Variants in CPE observed in about 807,000 individuals in gnomAD.
CPE encodes the protein carboxypeptidase E, also known as carbocypeptidase E.
In CPE, 17 loss-of-function variants were observed where a neutral mutation model predicts 53.5. The ratio of observed to expected loss-of-function variants is 0.32; its 90% CI spans 0.22 to 0.48. The LOEUF (loss-of-function observed/expected upper bound fraction) is 0.48, where lower values mean the gene tolerates loss of function less well. Among genes scored for constraint, CPE ranks in the 20% least tolerant of loss-of-function variants. The probability of loss-of-function intolerance (pLI) is 0.99; values close to 1 mark genes in which losing one functional copy is unlikely to be tolerated. For synonymous variants in CPE, 226 were observed against 228.8 expected, an observed-to-expected ratio of 0.99 and a Z score of 0.11; for missense variants, 524 against 614.7, an observed-to-expected ratio of 0.85 and a Z score of 1.56.
At chr4:165,477,887 C>G (rs991677281) in intron 3 of CPE, among the ~76,000 whole-genome samples, 1 of 152,146 alleles carries the variant, frequency 6.6e-6, no homozygotes, top group Admixed American at 6.5e-5. Flanking sequence ...TCCATGCTCT[C>G]CTTGTTCTTC....
In CPE at chr4:165,498,061, G is replaced by A. The variant is rs1732735106; in HGVS notation, c.*451G>A. ...TCTACTGCAAGACTTAAATAGTTCA[G>A]TATAAATTGTCGTTTTTTTCTTGTG... is the stretch of plus-strand genomic sequence containing the variant. On this transcript the variant is annotated 3_prime_UTR_variant, in exon 9 of 9. Transcript: ENST00000402744. 1 of 152,240 alleles carries A rather than the reference G, an allele frequency of 6.6e-6. No homozygotes were observed. The highest frequency in any genetic ancestry group is 1.5e-5 in the Non-Finnish European group (1 of 68,056). The allele number at this position is 152,240 out of a possible 1,614,324, so 9.4% of individuals were successfully genotyped here. A position where few individuals can be genotyped will look rare whatever the true frequency, so the allele number is the denominator to read the frequency against.
chr4:165,456,473 A>G (rs1283361060), intron 1 of CPE, among the ~76,000 whole-genome samples: 1 of 152,200 alleles, frequency 6.6e-6, no homozygotes, highest in African/African-American at 2.4e-5. Context: ...TGAAACAAAA[A>G]GAAAAGTAAT....
intron 1 of CPE, among the ~76,000 whole-genome samples, chr4:165,407,890 C>T (rs1444495332): frequency 1.3e-5 from 2 of 151,004 alleles, no homozygotes; most frequent in African/African-American, 2.4e-5. Flanking sequence ...GACGGAGTTC[C>T]GCTGTGTCTC....
chr4:165,476,496 C>T (rs1732303789), intron 3 of CPE, among the ~76,000 whole-genome samples: 1 of 151,954 alleles, frequency 6.6e-6, no homozygotes, highest in South Asian at 2.1e-4. Flanking sequence ...GCCATTTTGC[C>T]TCTCGGTGCG....
At chr4:165,487,668 G>T (rs181324546) in intron 6 of CPE, 91 bp downstream of exon 6, 29 of 1,402,024 alleles carry the variant, frequency 2.1e-5, no homozygotes, top group Middle Eastern at 1.9e-4. Context: ...AGGAGAATCC[G>T]TCTGGTGCAG....
intron 1 of CPE, among the ~76,000 whole-genome samples, chr4:165,451,821 A>T (rs1419077125): frequency 6.6e-6 from 1 of 152,098 alleles, no homozygotes; most frequent in Non-Finnish European, 1.5e-5. Flanking sequence ...AATTTACAGA[A>T]AAGAAAACCG....
rs376658801 is a variant in CPE at position 165,495,466 on chromosome 4, C to T, written c.1214-93C>T. 4.0e-4 allele frequency: 310 copies of T among 772,250 alleles called. No individual in the cohort carries two copies. The African/African-American group carries it at 4.5e-3, about 11-fold the overall frequency. 47.8% of individuals were successfully genotyped at this position (772,250 alleles called of 1,614,324 possible). A position where few individuals can be genotyped will look rare whatever the true frequency, so the allele number is the denominator to read the frequency against. Reference sequence around the variant, plus strand: ...CGAGAATCAAAAAAGGTGAACTGAGCTAGACTGGGTATTCCTTAGATGGCA... The same window carrying T: ...CGAGAATCAAAAAAGGTGAACTGAGTTAGACTGGGTATTCCTTAGATGGCA... On this transcript the variant is annotated intron_variant, in intron 7 of 8. Transcript: ENST00000402744.
intron 3 of CPE, among the ~76,000 whole-genome samples, chr4:165,474,807 T>A (rs7441954): frequency 0.34 from 52,353 of 152,144 alleles, 9,948 homozygotes; most frequent in Middle Eastern, 0.44. Context: ...CTTGTCTCCA[T>A]GACATTATGG....
chr4:165,405,701 C>T (rs1579246509), intron 1 of CPE: 1 of 813,890 alleles, frequency 1.2e-6, no homozygotes. Context: ...CGCAGAGATT[C>T]CACCAATTGG....
intron 1 of CPE, among the ~76,000 whole-genome samples, chr4:165,403,655 T>C (rs1434497111): frequency 2.0e-5 from 3 of 151,806 alleles, no homozygotes; most frequent in African/African-American, 7.3e-5. Flanking sequence ...GTAATTCATG[T>C]TTTTAATTTC....
intron 1 of CPE, among the ~76,000 whole-genome samples, chr4:165,441,897 CATATTTTGTATGAAAGGT>C (rs1227209989): frequency 6.6e-6 from 1 of 152,068 alleles, no homozygotes; most frequent in Non-Finnish European, 1.5e-5. Context: ...GGAATGCATT[CATATTTTGTATGAAAGGT>C]AGCGTTCTTT....
intron 1 of CPE, among the ~76,000 whole-genome samples, chr4:165,382,982 G>T (rs1007345168): frequency 6.6e-6 from 1 of 152,188 alleles, no homozygotes; most frequent in Non-Finnish European, 1.5e-5. Flanking sequence ...TCATCATTTT[G>T]TATCACTTCT....
chr4:165,493,005 T>C (rs1450378127), intron 6 of CPE, among the ~76,000 whole-genome samples, 166 bp from the exon 7 acceptor site: 1 of 152,158 alleles, frequency 6.6e-6, no homozygotes, highest in Non-Finnish European at 1.5e-5. Context: ...CAGAATAAAA[T>C]GCACAAAAAA....
At position 165,404,575 on chromosome 4, in the gene CPE, A is replaced by G. The variant is rs1388542048; in HGVS notation, c.307+25047A>G. ...GATCTTTGGCCACATGTTTCGCTAC[A>G]TCCACGCCAACTTCATCCACCAGTG... is the stretch of plus-strand genomic sequence containing the variant. On this transcript the variant is annotated intron_variant, in intron 1 of 8. Transcript: ENST00000402744. 5.0e-6 allele frequency: 5 copies of G among 1,006,180 alleles called. No homozygotes were observed. In the East Asian group the frequency reaches 7.1e-5, roughly 14 times the overall value. The allele number at this position is 1,006,180 out of a possible 1,614,324, so 62.3% of individuals were successfully genotyped here.
intron 1 of CPE, among the ~76,000 whole-genome samples, chr4:165,390,057 T>TTGACA: frequency 6.6e-6 from 1 of 152,194 alleles, no homozygotes. Flanking sequence ...TGCCAAACCA[T>TTGACA]TGACATGCAT....
intron 3 of CPE, among the ~76,000 whole-genome samples, chr4:165,479,710 C>A (rs1293405443): frequency 6.6e-6 from 1 of 152,028 alleles, no homozygotes; most frequent in Non-Finnish European, 1.5e-5. Context: ...ACAACTCTTG[C>A]AAGTCAAAAA....
At chr4:165,461,182 A>AAGAAAGAAAG (rs1560889028) in intron 1 of CPE, among the ~76,000 whole-genome samples, 2,910 of 68,902 alleles carry the variant, frequency 0.042, 133 homozygotes, top group African/African-American at 0.16. Context: ...AAAAAAAAAA[A>AAGAAAGAAAG]AAAAAGAAAG....
intron 1 of CPE, among the ~76,000 whole-genome samples, chr4:165,398,331 C>T (rs1432286586): frequency 1.3e-5 from 2 of 151,960 alleles, no homozygotes; most frequent in African/African-American, 4.8e-5. Context: ...CTAATATATA[C>T]ACATATATAC....
chr4:165,397,254 T>C (rs1000605714), intron 1 of CPE, among the ~76,000 whole-genome samples: 2 of 152,176 alleles, frequency 1.3e-5, no homozygotes, highest in Non-Finnish European at 2.9e-5. Context: ...GCTTGGTATA[T>C]GCCAAGTGAT....
Sources: gnomAD v4.1 joint callset for allele counts (sites outside exome capture counted in the v4.1 genomes callset) on GRCh38, gnomAD v4.1.1 for gene constraint, MANE v1.5 for transcripts, NCBI Gene and HGNC (gene_info 2026-07-23, HGNC 2026-07-21) for gene names.